DLC1: variants seen among roughly 807,000 people sequenced by gnomAD.
DLC1 encodes the protein rho GTPase-activating protein 7.
A neutral mutation model predicts 140.3 loss-of-function variants in DLC1; 54 were observed. The ratio of observed to expected loss-of-function variants is 0.38; its 90% CI spans 0.31 to 0.48. DLC1 has a LOEUF of 0.48. Among genes scored for constraint, DLC1 ranks in the 20% least tolerant of loss-of-function variants. The probability of loss-of-function intolerance (pLI) is 0.96; values close to 1 mark genes in which losing one functional copy is unlikely to be tolerated. For synonymous variants in DLC1, 986 were observed against 728.1 expected, an observed-to-expected ratio of 1.35 and a Z score of -5.70; for missense variants, 2,536 against 1,907.0, an observed-to-expected ratio of 1.33 and a Z score of -6.14.
Position 13,094,967 on chromosome 8 carries a change from G to C in DLC1, c.3328-10C>G, listed in dbSNP as rs757744029. ...TTCTGAAGAGCCCAACCTGTCGGAA[G>C]AGCAACACTAAGTGTGGGGTACATT... On this transcript the variant is annotated splice_polypyrimidine_tract_variant and intron_variant, in intron 11 of 17. Transcript: ENST00000276297. The C allele has an allele frequency of 3.7e-6, 6 of 1,614,148 alleles. No individual in the cohort carries two copies. The East Asian group carries it at 1.3e-4, about 36-fold the overall frequency.
At chr8:13,120,021 G>T (rs1409628074) in intron 5 of DLC1, among the ~76,000 whole-genome samples, 3 of 151,712 alleles carry the variant, frequency 2.0e-5, no homozygotes, top group Admixed American at 2.0e-4. Flanking sequence ...GGTTCTTCCT[G>T]CAAGACAGGT....
chr8:13,514,491 C>T (rs1005852084), intron 1 of DLC1, 111 bp downstream of exon 1: 1 of 397,488 alleles, frequency 2.5e-6, no homozygotes, highest in African/African-American at 2.1e-5. Flanking sequence ...TATGGCTTTG[C>T]TCTAAAACCT....
intron 1 of DLC1, among the ~76,000 whole-genome samples, chr8:13,573,197 C>A (rs894081729): frequency 1.3e-5 from 2 of 151,976 alleles, no homozygotes; most frequent in African/African-American, 4.8e-5. Flanking sequence ...TCAATGTATT[C>A]GTAAGTGTTT....
chr8:13,232,737 C>T (rs1829106320), intron 5 of DLC1, among the ~76,000 whole-genome samples: 1 of 152,206 alleles, frequency 6.6e-6, no homozygotes, highest in Non-Finnish European at 1.5e-5. Flanking sequence ...GTTCAAGAGA[C>T]TGATGTTTAC....
intron 6 of DLC1, among the ~76,000 whole-genome samples, chr8:13,111,465 C>T (rs1455190306): frequency 2.6e-5 from 4 of 152,168 alleles, no homozygotes; most frequent in Non-Finnish European, 4.4e-5. Context: ...ATCCTTTAAT[C>T]TGTAGAAGAG....
chr8:13,500,828 A>ATGCC (rs3066360), intron 1 of DLC1, among the ~76,000 whole-genome samples: 148,684 of 152,176 alleles, frequency 0.98, 72,733 homozygotes, highest in East Asian at 1. Flanking sequence ...ACCATTTACA[A>ATGCC]TTAGGACAGA....
chr8:13,208,016 G>A (rs529555467), intron 5 of DLC1, among the ~76,000 whole-genome samples: 6 of 151,548 alleles, frequency 4.0e-5, no homozygotes, highest in Admixed American at 3.9e-4. Context: ...AAAATGTCTA[G>A]TATTTGTTTT....
intron 5 of DLC1, among the ~76,000 whole-genome samples, chr8:13,206,010 A>T (rs1214278182): frequency 2.6e-5 from 4 of 152,176 alleles, no homozygotes; most frequent in Non-Finnish European, 2.9e-5. Flanking sequence ...CTCTTTTTCA[A>T]AGTGAACCTT....
chr8:13,412,224 C>G (rs1459575208), intron 2 of DLC1, among the ~76,000 whole-genome samples: 1 of 152,006 alleles, frequency 6.6e-6, no homozygotes, highest in Admixed American at 6.6e-5. Context: ...TAAAACAATA[C>G]TAATTAATTA....
intron 2 of DLC1, among the ~76,000 whole-genome samples, chr8:13,456,452 TA>T (rs918481231): frequency 2.1e-5 from 3 of 140,832 alleles, no homozygotes; most frequent in Admixed American, 7.0e-5. Flanking sequence ...CTTCCTTTTT[TA>T]TTTTTTTTTT....
At chr8:13,135,972 G>A (rs1388399901) in intron 5 of DLC1, among the ~76,000 whole-genome samples, 1 of 152,136 alleles carries the variant, frequency 6.6e-6, no homozygotes, top group African/African-American at 2.4e-5. Flanking sequence ...GTTTGCGTTT[G>A]ACCTTCCCTG....
At chr8:13,292,095 G>A (rs1363253812) in intron 5 of DLC1, among the ~76,000 whole-genome samples, 1 of 151,306 alleles carries the variant, frequency 6.6e-6, no homozygotes, top group Non-Finnish European at 1.5e-5. Flanking sequence ...GTGATCTGCA[G>A]TTTTTTTGTT....
At chr8:13,421,944 T>C (rs1838339425) in intron 2 of DLC1, among the ~76,000 whole-genome samples, 1 of 152,152 alleles carries the variant, frequency 6.6e-6, no homozygotes, top group Non-Finnish European at 1.5e-5. Flanking sequence ...GACCCATATG[T>C]TTCTATGGTT....
chr8:13,326,996 C>G (rs568358316), intron 4 of DLC1, among the ~76,000 whole-genome samples: 2 of 152,028 alleles, frequency 1.3e-5, no homozygotes, highest in African/African-American at 4.8e-5. Flanking sequence ...GCTCTGTTGC[C>G]CAGGCTGGAG....
intron 2 of DLC1, among the ~76,000 whole-genome samples, chr8:13,458,621 A>G (rs1799522204): frequency 1.3e-5 from 2 of 152,216 alleles, no homozygotes; most frequent in Admixed American, 6.5e-5. Flanking sequence ...GTAAGTCACT[A>G]CTACAATTAT....
chr8:13,481,608 A>G (rs953040804), intron 2 of DLC1, among the ~76,000 whole-genome samples: 2 of 152,214 alleles, frequency 1.3e-5, no homozygotes, highest in Non-Finnish European at 2.9e-5. Flanking sequence ...TTAGAATGTA[A>G]GTTTCTGATA....
intron 5 of DLC1, among the ~76,000 whole-genome samples, chr8:13,181,312 T>C (rs573188354): frequency 1.4e-4 from 22 of 151,970 alleles, no homozygotes; most frequent in Middle Eastern, 3.4e-3. Context: ...GTGGCTGTAT[T>C]TCTTTTTTTT....
intron 5 of DLC1, among the ~76,000 whole-genome samples, chr8:13,139,531 T>C (rs774439222): frequency 3.3e-5 from 5 of 152,206 alleles, no homozygotes; most frequent in Non-Finnish European, 5.9e-5. Flanking sequence ...GCTCTGTTAA[T>C]AGCGCTCTGT....
rs578198821 is a variant in DLC1, at chr8:13,145,537, G to C, written c.1349-29880C>G. 2.0e-5 allele frequency among the ~76,000 whole-genome samples: 3 copies of C among 152,236 alleles called. No individual in the cohort carries two copies. The South Asian group carries it at 6.2e-4, about 32-fold the overall frequency. On this transcript the variant is annotated intron_variant, in intron 5 of 17. Coordinates refer to ENST00000276297, the MANE Select transcript of DLC1 (RefSeq NM_182643.3). ...CAATTCTACTCTAAGGGATGTACTA[G>C]GGAAACTGTTTCTTTAGAGAAACTC...
Sources: allele counts gnomAD v4.1 joint callset (sites outside exome capture counted in the v4.1 genomes callset), GRCh38; gene constraint gnomAD v4.1.1; transcripts MANE v1.5; gene names NCBI Gene and HGNC (gene_info 2026-07-23, HGNC 2026-07-21).